PLCL1: variants seen among roughly 807,000 people sequenced by gnomAD.
The protein encoded by PLCL1 is phospholipase C like 1 (inactive).
Under a neutral mutation model 84.4 loss-of-function variants are expected in PLCL1, and 41 were observed. That is an observed-to-expected ratio of 0.49 (90% CI 0.38 to 0.63). The LOEUF (loss-of-function observed/expected upper bound fraction) is 0.63. Among genes scored for constraint, PLCL1 ranks in the 30% least tolerant of loss-of-function variants. The pLI, the probability that PLCL1 is intolerant of heterozygous loss-of-function variation, is 0.00. For synonymous variants in PLCL1, 490 were observed against 488.3 expected (o/e 1.00, Z -0.05); for missense variants, 1,206 against 1,367.8 (o/e 0.88, Z 1.87).
intron 1 of PLCL1, among the ~76,000 whole-genome samples, chr2:197,952,984 A>C (rs1234730193): frequency 2.0e-5 from 3 of 152,092 alleles, no homozygotes; most frequent in African/African-American, 7.2e-5. Flanking sequence ...AAAACGGACT[A>C]ATACCATGCC....
At chr2:198,065,198 C>T (rs555435989) in intron 1 of PLCL1, among the ~76,000 whole-genome samples, 1 of 152,126 alleles carries the variant, frequency 6.6e-6, no homozygotes, top group Non-Finnish European at 1.5e-5. Context: ...GGTGGTAGTC[C>T]TTTCTGGATT....
At chr2:197,959,037 G>A (rs960885618) in intron 1 of PLCL1, among the ~76,000 whole-genome samples, 2 of 151,978 alleles carry the variant, frequency 1.3e-5, no homozygotes, top group African/African-American at 2.4e-5. Context: ...ACAGTATACC[G>A]AAATATACTC....
intron 1 of PLCL1, among the ~76,000 whole-genome samples, chr2:197,899,888 G>A (rs1002922877): frequency 6.6e-6 from 1 of 152,012 alleles, no homozygotes; most frequent in African/African-American, 2.4e-5. Flanking sequence ...GCCCGCCTCG[G>A]CCTCCCAAAG....
intron 1 of PLCL1, among the ~76,000 whole-genome samples, chr2:197,984,428 G>A (rs1265780074): frequency 6.6e-6 from 1 of 151,822 alleles, no homozygotes; most frequent in Admixed American, 6.5e-5. Context: ...TGATTTCCAA[G>A]GAAGTTGAAG....
chr2:198,015,518 T>G (rs553599842), intron 1 of PLCL1, among the ~76,000 whole-genome samples: 5 of 152,268 alleles, frequency 3.3e-5, no homozygotes, highest in Non-Finnish European at 7.4e-5. Context: ...TAATACCTGT[T>G]AAGCTAATAA....
chr2:197,843,814 T>C (rs1687065484), intron 1 of PLCL1, among the ~76,000 whole-genome samples: 2 of 152,206 alleles, frequency 1.3e-5, no homozygotes, highest in South Asian at 4.1e-4. Context: ...TTATTGCAAA[T>C]AGTTGAAACA....
chr2:197,842,598 TTTCTC>T (rs1488950217), intron 1 of PLCL1, among the ~76,000 whole-genome samples: 1 of 152,134 alleles, frequency 6.6e-6, no homozygotes, highest in Admixed American at 6.6e-5. Flanking sequence ...ATAATTCTGT[TTTCTC>T]TTCACTCACT....
chr2:197,947,304 T>C (rs1250326299), intron 1 of PLCL1, among the ~76,000 whole-genome samples: 1 of 151,306 alleles, frequency 6.6e-6, no homozygotes, highest in Non-Finnish European at 1.5e-5. Flanking sequence ...TCTCAAACTT[T>C]AGTGTACATC....
chr2:198,065,791 A>G (rs1021558510), intron 1 of PLCL1, among the ~76,000 whole-genome samples: 3 of 152,168 alleles, frequency 2.0e-5, no homozygotes, highest in Non-Finnish European at 4.4e-5. Flanking sequence ...TAGATGTAAA[A>G]CATGTTTTTA....
At chr2:197,849,752 G>A (rs1004091003) in intron 1 of PLCL1, among the ~76,000 whole-genome samples, 9 of 152,142 alleles carry the variant, frequency 5.9e-5, no homozygotes, top group South Asian at 4.2e-4. Flanking sequence ...AAATCAAGAG[G>A]TTTTAAAGAG....
At chr2:197,850,370 C>T (rs996842681) in intron 1 of PLCL1, among the ~76,000 whole-genome samples, 5 of 152,044 alleles carry the variant, frequency 3.3e-5, no homozygotes, top group African/African-American at 7.2e-5. Context: ...AAGGAATGCA[C>T]GTTTTTGTCA....
chr2:197,917,946 G>A (rs138215970), intron 1 of PLCL1, among the ~76,000 whole-genome samples: 67 of 152,132 alleles, frequency 4.4e-4, no homozygotes, highest in African/African-American at 1.5e-3. Context: ...CTGCCCCACC[G>A]CCACCCCAAA....
At chr2:198,051,806 C>A (rs1051791417) in intron 1 of PLCL1, among the ~76,000 whole-genome samples, 1 of 151,642 alleles carries the variant, frequency 6.6e-6, no homozygotes, top group South Asian at 2.1e-4. Context: ...GCGATCTCGG[C>A]TCACTGCAAC....
chr2:197,817,486 C>T (rs1289731040), intron 1 of PLCL1, among the ~76,000 whole-genome samples: 2 of 151,902 alleles, frequency 1.3e-5, no homozygotes, highest in African/African-American at 2.4e-5. Context: ...TGCTGTGTTT[C>T]CCAGGCTAGA....
At chr2:197,893,009 A>G (rs745505906) in intron 1 of PLCL1, among the ~76,000 whole-genome samples, 20 of 152,160 alleles carry the variant, frequency 1.3e-4, no homozygotes, top group Non-Finnish European at 2.4e-4. Context: ...AAAACAACAA[A>G]AAAACCTGAA....
At chr2:198,145,194 G>A (rs1485163061) in intron 5 of PLCL1, among the ~76,000 whole-genome samples, 5 of 151,906 alleles carry the variant, frequency 3.3e-5, no homozygotes, top group East Asian at 1.9e-4. Context: ...TTAAATTTAT[G>A]TTCTGGGATA....
At chr2:198,116,284 A>G (rs1693746761) in intron 5 of PLCL1, among the ~76,000 whole-genome samples, 1 of 151,758 alleles carries the variant, frequency 6.6e-6, no homozygotes, top group Non-Finnish European at 1.5e-5. Flanking sequence ...ATGAGATTAC[A>G]TACTCATAGT....
At chr2:198,028,033 G>T (rs891243629) in intron 1 of PLCL1, among the ~76,000 whole-genome samples, 6 of 152,004 alleles carry the variant, frequency 3.9e-5, no homozygotes. Flanking sequence ...TAGAGATGGG[G>T]TCTTGCCATG....
At chr2:198,095,847 G>A (rs778716838) in intron 3 of PLCL1, among the ~76,000 whole-genome samples, 6 of 152,096 alleles carry the variant, frequency 3.9e-5, no homozygotes, top group Admixed American at 6.5e-5. Context: ...ACATTTCTAC[G>A]TTTTATTCTG....
Sources: allele counts gnomAD v4.1 joint callset (sites outside exome capture counted in the v4.1 genomes callset), GRCh38; gene constraint gnomAD v4.1.1; transcripts MANE v1.5; gene names NCBI Gene and HGNC (gene_info 2026-07-23, HGNC 2026-07-21).